PIK3C2B: variants seen among roughly 807,000 people sequenced by gnomAD.
The protein encoded by PIK3C2B is phosphatidylinositol-4-phosphate 3-kinase catalytic subunit type 2 beta, also known as phosphatidylinositol 4-phosphate 3-kinase C2 domain-containing subunit beta.
PIK3C2B carries 83 observed loss-of-function variants against 184.3 expected under a neutral mutation model. The ratio of observed to expected loss-of-function variants is 0.45; its 90% CI spans 0.38 to 0.54. PIK3C2B has a LOEUF of 0.54. Ranked by LOEUF, PIK3C2B falls within the 20% of genes least tolerant of loss-of-function variation. PIK3C2B has a pLI of 0.00. For synonymous variants in PIK3C2B, 779 were observed against 837.6 expected, an observed-to-expected ratio of 0.93 and a Z score of 1.21; for missense variants, 1,736 against 2,113.5, an observed-to-expected ratio of 0.82 and a Z score of 3.50.
chr1:204,483,012 C>T (rs1558284802), intron 1 of PIK3C2B, among the ~76,000 whole-genome samples: 2 of 152,232 alleles, frequency 1.3e-5, no homozygotes, highest in Admixed American at 6.5e-5. Flanking sequence ...GGTATGGACT[C>T]CCCATCCCTA....
In PIK3C2B at chr1:204,423,309, G is replaced by C. The variant is rs1674580057; in HGVS notation, c.*1543C>G. Reference sequence around the variant, plus strand: ...CTAAAAATACAAAAATTAGCTTGGCGTGGTGGCACATGCCTGTAATCCCAG... The same window carrying C: ...CTAAAAATACAAAAATTAGCTTGGCCTGGTGGCACATGCCTGTAATCCCAG... On this transcript the variant is annotated 3_prime_UTR_variant, in exon 33 of 33. Coordinates refer to ENST00000684373, the MANE Select transcript of PIK3C2B (RefSeq NM_001377334.1). 6.6e-6 allele frequency: 1 copy of C among 152,242 alleles called. No homozygotes were observed. Among genetic ancestry groups the C allele is most frequent in the Non-Finnish European group, 1.5e-5 (1 of 68,124 alleles). The allele number at this position is 152,242 out of a possible 1,614,324, so 9.4% of individuals were successfully genotyped here.
Position 204,452,904 on chromosome 1 carries a change from C to T in PIK3C2B, c.2066+1765G>A, listed in dbSNP as rs143647387. On this transcript the variant is annotated intron_variant, in intron 12 of 32. Transcript: ENST00000684373. ...AATTCCTGATCTCAAGTGATTATCC[C>T]GCCTTGTCCTCCCAAAGTACGGTGA... Among the ~76,000 whole-genome samples, 239 of 152,122 alleles carry T rather than the reference C, an allele frequency of 1.6e-3. 2 individuals are homozygous for T. The highest frequency in any genetic ancestry group is 5.5e-3 in the African/African-American group (230 of 41,496).
intron 1 of PIK3C2B, among the ~76,000 whole-genome samples, chr1:204,473,236 C>A (rs1049314086): frequency 1.3e-5 from 2 of 152,182 alleles, no homozygotes; most frequent in African/African-American, 4.8e-5. Context: ...GGCACAGGAC[C>A]CTGGTCTGAA....
chr1:204,438,854 T>C, intron 23 of PIK3C2B, 81 bp downstream of exon 23: 1 of 1,485,776 alleles, frequency 6.7e-7, no homozygotes. Context: ...TCTGAGCAAG[T>C]GCAGGTCTTG....
At chr1:204,436,841 G>GT (rs1438913910) in intron 23 of PIK3C2B, among the ~76,000 whole-genome samples, 2 of 152,160 alleles carry the variant, frequency 1.3e-5, no homozygotes, top group East Asian at 1.9e-4. Context: ...AGCATAAAGA[G>GT]TAAGTATATG....
intron 10 of PIK3C2B, 113 bp downstream of exon 10, chr1:204,456,899 CACACACACCCACACACACACACACA>C (rs1654898584): frequency 3.6e-5 from 12 of 329,874 alleles, no homozygotes; most frequent in African/African-American, 1.1e-4. Flanking sequence ...CACACACACA[CACACACACCCACACACACACACACA>C]CCAGCCGAAC....
At chr1:204,450,906 C>A (rs1334383844) in intron 12 of PIK3C2B, among the ~76,000 whole-genome samples, 1 of 152,214 alleles carries the variant, frequency 6.6e-6, no homozygotes, top group Non-Finnish European at 1.5e-5. Context: ...ACCCTCCTGG[C>A]CAGCCCAGGG....
chr1:204,484,710 G>T (rs1657449931), intron 1 of PIK3C2B, among the ~76,000 whole-genome samples: 1 of 151,896 alleles, frequency 6.6e-6, no homozygotes, highest in Non-Finnish European at 1.5e-5. Flanking sequence ...CTCCAGCCTG[G>T]GCGACAAAGC....
chr1:204,430,044 G>A lies in PIK3C2B; in HGVS notation c.4281-6C>T, dbSNP rs373500155. ...TCACGAAGCGACTAGGGAAGCTGGCGTGGCAGCGTAGGCAGCGGGGATGCA... is the reference window on the plus strand; with the variant it reads ...TCACGAAGCGACTAGGGAAGCTGGCATGGCAGCGTAGGCAGCGGGGATGCA... On this transcript the variant is annotated splice_polypyrimidine_tract_variant and splice_region_variant and intron_variant, in intron 28 of 32. Coordinates refer to ENST00000684373, the MANE Select transcript of PIK3C2B (RefSeq NM_001377334.1). The A allele has an allele frequency of 9.4e-6, 15 of 1,590,666 alleles. No individual in the cohort carries two copies. The highest frequency in any genetic ancestry group is 3.3e-5 in the South Asian group (3 of 90,722).
At chr1:204,452,954 C>G (rs549132292) in intron 12 of PIK3C2B, among the ~76,000 whole-genome samples, 155 of 152,166 alleles carry the variant, frequency 1.0e-3, no homozygotes, top group African/African-American at 3.5e-3. Flanking sequence ...GCCATCGTGC[C>G]CAGCCATATA....
At chr1:204,484,425 C>T (rs2103535076) in intron 1 of PIK3C2B, among the ~76,000 whole-genome samples, 1 of 152,254 alleles carries the variant, frequency 6.6e-6, no homozygotes, top group South Asian at 2.1e-4. Flanking sequence ...GAAACCCAGG[C>T]ACATCACATT....
chr1:204,431,608 A>G, intron 28 of PIK3C2B, 61 bp downstream of exon 28: 1 of 1,604,464 alleles, frequency 6.2e-7, no homozygotes, highest in South Asian at 1.1e-5. Context: ...ACCACCTCCC[A>G]TCCCGTATCC....
rs779751747 is a variant in PIK3C2B at position 204,432,285 on chromosome 1, C to T, written c.4070G>A (p.Arg1357Gln). The T allele has an allele frequency of 8.7e-6, 14 of 1,613,698 alleles. No homozygotes were observed. The highest frequency in any genetic ancestry group is 3.3e-5 in the Admixed American group (2 of 59,966). The change falls in exon 27 of 33, where the codon CGA becomes CAA. Residue 1357 changes from arginine to glutamine, a missense_variant. This residue lies in a region of PIK3C2B where 119 missense variants were observed against 179.3 expected (regional missense o/e 0.66). Coordinates refer to ENST00000684373, the MANE Select transcript of PIK3C2B (RefSeq NM_001377334.1). ...GCCAGAGCTCTTGAGAGTGTGTGTT[C>T]GGGAGGCAAAGGAGAGGGTCAGCCG... ...DDRLTLSFAS[R>Q]THTLKSSGRI...
chr1:204,455,220 A>G (rs977246282), intron 11 of PIK3C2B, among the ~76,000 whole-genome samples: 2 of 152,214 alleles, frequency 1.3e-5, no homozygotes, highest in African/African-American at 4.8e-5. Context: ...CAGGTGCCTG[A>G]CAGAAGAGGT....
rs1675167253 is a variant in PIK3C2B at position 204,433,277 on chromosome 1, AG to A, written c.3953+38del. The A allele has an allele frequency of 3.7e-6, 4 of 1,071,634 alleles. No individual in the cohort carries two copies. The highest frequency in any genetic ancestry group is 2.1e-4 in the Middle Eastern group (1 of 4,842). The allele number at this position is 1,071,634 out of a possible 1,614,324, so 66.4% of individuals were successfully genotyped here. ...CAATCCGGCAGGCTGGGAATTACTC[AG>A]GGTGGGCAGTGCTGATTCGCTCAGG... On this transcript the variant is annotated intron_variant, in intron 26 of 32. Transcript: ENST00000684373. The surrounding 1 kb of genome is among the most constrained non-coding windows in gnomAD (Gnocchi z 5.0).
At chr1:204,438,426 T>C (rs1675469421) in intron 23 of PIK3C2B, among the ~76,000 whole-genome samples, 1 of 152,190 alleles carries the variant, frequency 6.6e-6, no homozygotes, top group African/African-American at 2.4e-5. Flanking sequence ...CTCTGTCTCA[T>C]ATCTAACCTC....
At chr1:204,480,708 A>G (rs1045030824) in intron 1 of PIK3C2B, among the ~76,000 whole-genome samples, 1 of 152,000 alleles carries the variant, frequency 6.6e-6, no homozygotes, top group African/African-American at 2.4e-5. Flanking sequence ...CCGGCAGCTG[A>G]CAGCCACCTG....
chr1:204,453,217 C>CA (rs1558252861), intron 12 of PIK3C2B, among the ~76,000 whole-genome samples: 1 of 152,128 alleles, frequency 6.6e-6, no homozygotes, highest in Non-Finnish European at 1.5e-5. Context: ...CCGGGGGCAG[C>CA]AAACAGGGGA....
At chr1:204,434,653 C>T (rs372461925) in intron 23 of PIK3C2B, 45 bp from the exon 24 acceptor site, 1 of 1,534,510 alleles carries the variant, frequency 6.5e-7, no homozygotes, top group African/African-American at 1.4e-5. Flanking sequence ...ATAAAGCTGG[C>T]TTGGAAGGAC....
Sources: allele counts gnomAD v4.1 joint callset (sites outside exome capture counted in the v4.1 genomes callset), GRCh38; gene constraint gnomAD v4.1.1; regional missense constraint gnomAD v4.1.1; non-coding constraint Gnocchi (gnomAD v3.1); transcripts MANE v1.5; gene names NCBI Gene and HGNC (gene_info 2026-07-23, HGNC 2026-07-21).